Variants in TENM2 observed in about 807,000 individuals in gnomAD.
TENM2 encodes teneurin transmembrane protein 2, also known as teneurin-2.
A neutral mutation model predicts 245.2 loss-of-function variants in TENM2; 52 were observed. That is an observed-to-expected ratio of 0.21 (90% CI 0.17 to 0.27). TENM2 has a LOEUF of 0.27. TENM2 is among the 10% of genes least tolerant of loss of function. The pLI, the probability that TENM2 is intolerant of heterozygous loss-of-function variation, is 1.00. For missense variants in TENM2, 3,046 were observed against 3,666.8 expected (o/e 0.83, Z 4.37); for synonymous variants, 1,363 against 1,438.9 (o/e 0.95, Z 1.19).
At chr5:167,454,076 C>T (rs1361310640) in intron 2 of TENM2, among the ~76,000 whole-genome samples, 2 of 152,054 alleles carry the variant, frequency 1.3e-5, no homozygotes, top group Non-Finnish European at 2.9e-5. Flanking sequence ...TCTTGTAAAT[C>T]ATCAGTGCCC....
At chr5:167,826,022 C>T (rs1377849056) in intron 2 of TENM2, among the ~76,000 whole-genome samples, 5 of 151,950 alleles carry the variant, frequency 3.3e-5, no homozygotes, top group Non-Finnish European at 7.4e-5. Flanking sequence ...ACGTCGTGTA[C>T]CTGTACCTTT....
intron 2 of TENM2, among the ~76,000 whole-genome samples, chr5:167,603,310 G>A (rs957696963): frequency 2.0e-5 from 3 of 152,154 alleles, no homozygotes; most frequent in African/African-American, 4.8e-5. Context: ...GAGGAAATCC[G>A]TGTTGGCTTC....
At chr5:167,389,973 C>T (rs966363994) in intron 2 of TENM2, among the ~76,000 whole-genome samples, 1 of 152,170 alleles carries the variant, frequency 6.6e-6, no homozygotes, top group Non-Finnish European at 1.5e-5. Flanking sequence ...ATGCATCTCA[C>T]TTTTTAGTTT....
chr5:168,089,702 C>T (rs897603950), intron 7 of TENM2, among the ~76,000 whole-genome samples: 1 of 152,170 alleles, frequency 6.6e-6, no homozygotes, highest in Middle Eastern at 3.2e-3. Context: ...AGAAAAGTTG[C>T]TTGACTTCTC....
intron 2 of TENM2, among the ~76,000 whole-genome samples, chr5:167,642,660 CTT>C: frequency 6.6e-6 from 1 of 152,024 alleles, no homozygotes; most frequent in Non-Finnish European, 1.5e-5. Flanking sequence ...GCTTAAAAGA[CTT>C]AAGAGAGAAA....
chr5:167,000,283 T>C, the TENM2 span, among the ~76,000 whole-genome samples: 1 of 152,182 alleles, frequency 6.6e-6, no homozygotes, highest in African/African-American at 2.4e-5. Flanking sequence ...AAACATTCTA[T>C]CAAATATCAA....
the TENM2 span, among the ~76,000 whole-genome samples, chr5:167,133,259 T>G: frequency 3.9e-5 from 6 of 152,174 alleles, no homozygotes; most frequent in African/African-American, 1.4e-4. Context: ...TGTTCATCTC[T>G]TACTTTTATG....
At chr5:168,162,548 T>TC in intron 12 of TENM2, 63 bp from the exon 15 acceptor site, 1 of 1,571,214 alleles carries the variant, frequency 6.4e-7, no homozygotes, top group Non-Finnish European at 8.7e-7. Flanking sequence ...TCTGCATGGC[T>TC]CCCCTGCTTC....
chr5:167,266,238 A>T, the TENM2 span, among the ~76,000 whole-genome samples: 14 of 152,214 alleles, frequency 9.2e-5, no homozygotes, highest in African/African-American at 3.4e-4. Flanking sequence ...TTTAATTGAA[A>T]TTTAATTTTT....
chr5:167,703,792 G>T (rs1758325243), intron 2 of TENM2, among the ~76,000 whole-genome samples: 1 of 152,148 alleles, frequency 6.6e-6, no homozygotes, highest in African/African-American at 2.4e-5. Context: ...GTCTTTTCGT[G>T]TGATGTAGCA....
chr5:167,022,238 G>T, the TENM2 span, among the ~76,000 whole-genome samples: 1 of 152,170 alleles, frequency 6.6e-6, no homozygotes, highest in Non-Finnish European at 1.5e-5. Flanking sequence ...GTCTAATATG[G>T]TGGTTCAAAT....
chr5:166,981,700 C>T, the TENM2 span, among the ~76,000 whole-genome samples: 1 of 152,134 alleles, frequency 6.6e-6, no homozygotes, highest in African/African-American at 2.4e-5. Flanking sequence ...GCTTCAGTTT[C>T]AGTATCTTCA....
At chr5:167,100,783 C>G in the TENM2 span, among the ~76,000 whole-genome samples, 1 of 152,060 alleles carries the variant, frequency 6.6e-6, no homozygotes, top group Non-Finnish European at 1.5e-5. Flanking sequence ...TTATAAGCAG[C>G]AATCCAGAGA....
chr5:167,272,443 C>G, the TENM2 span, among the ~76,000 whole-genome samples: 1 of 152,152 alleles, frequency 6.6e-6, no homozygotes, highest in Non-Finnish European at 1.5e-5. Flanking sequence ...AGAAGGAAGA[C>G]AGGTTTTGTA....
chr5:167,746,525 CAT>C (rs1234594466), intron 2 of TENM2, among the ~76,000 whole-genome samples: 8 of 152,284 alleles, frequency 5.3e-5, no homozygotes, highest in Middle Eastern at 3.4e-3. Flanking sequence ...CTCATACACA[CAT>C]GTCTGAATTA....
At chr5:168,248,285 G>C (rs749249022) in exon 27 of TENM2, 1 of 1,614,004 alleles carries the variant, frequency 6.2e-7, no homozygotes. Context: ...AAAAACGTGG[G>C]CAAGGAGCCG....
At position 167,496,328 on chromosome 5, in the gene TENM2, T is replaced by G. The variant is rs1768815247; in HGVS notation, c.502+120855T>G. 2.6e-5 allele frequency among the ~76,000 whole-genome samples: 4 copies of G among 152,102 alleles called. No homozygotes were observed. In the South Asian group the frequency reaches 8.3e-4, roughly 31 times the overall value. ...TTTGCATTACTTCTTTCAACTCTGA[T>G]GTTTACTTCGATTTTTAAAATGACA... On this transcript the variant is annotated intron_variant, in intron 2 of 28. Coordinates refer to ENST00000518659, the Ensembl canonical transcript of TENM2.
At chr5:167,973,933 C>G (rs1180919252) in intron 4 of TENM2, among the ~76,000 whole-genome samples, 1 of 148,878 alleles carries the variant, frequency 6.7e-6, no homozygotes, top group Non-Finnish European at 1.5e-5. Flanking sequence ...GGAGGATACA[C>G]CAGAAAGGGA....
At chr5:167,773,579 G>C (rs1229139587) in intron 2 of TENM2, among the ~76,000 whole-genome samples, 3 of 152,120 alleles carry the variant, frequency 2.0e-5, no homozygotes, top group African/African-American at 7.2e-5. Flanking sequence ...TGGAATTTGG[G>C]GTGTTGGGTG....
Sources: allele counts gnomAD v4.1 joint callset (sites outside exome capture counted in the v4.1 genomes callset), GRCh38; gene constraint gnomAD v4.1.1; transcripts MANE v1.5; gene names NCBI Gene and HGNC (gene_info 2026-07-23, HGNC 2026-07-21).